The following LY6K variants were observed in gnomAD, a reference collection of about 807,000 sequenced individuals.
The protein encoded by LY6K is lymphocyte antigen 6 family member K.
In LY6K, 9 loss-of-function variants were observed where a neutral mutation model predicts 10.4. The observed-to-expected ratio is 0.87, with a 90% CI of 0.52 to 1.52. The LOEUF is 1.52. Ranked by LOEUF, LY6K falls within the 40% of genes most tolerant of loss-of-function variation. LY6K has a pLI of 0.00. For missense variants in LY6K, 217 were observed against 211.7 expected, an observed-to-expected ratio of 1.02 and a Z score of -0.15; for synonymous variants, 98 against 83.7, an observed-to-expected ratio of 1.17 and a Z score of -0.94.
At position 142,703,018 on chromosome 8, in the gene LY6K, C is replaced by T. The variant is rs147502877; in HGVS notation, c.218-73C>T. On this transcript the variant is annotated intron_variant, in intron 2 of 2. Coordinates refer to ENST00000292430, the MANE Select transcript of LY6K (RefSeq NM_017527.4). ...GGGCCGCCAGGGGTGAGGCTTTGAC[C>T]CAGACAGAAGGGCCTCGGTGTCAGG... 2.1e-4 allele frequency: 327 copies of T among 1,592,604 alleles called. 1 individual carries two copies. The African/African-American group carries it at 3.2e-3, about 16-fold the overall frequency.
intron 2 of LY6K, chr8:142,702,628 C>G: frequency 6.5e-7 from 1 of 1,533,284 alleles, no homozygotes; most frequent in Non-Finnish European, 8.7e-7. Flanking sequence ...GACTTTATAA[C>G]TTAATATGGC....
At position 142,701,673 on chromosome 8, in the gene LY6K, G is replaced by A. The variant is rs143386606; in HGVS notation, c.177G>A (p.Arg59=). The A allele has an allele frequency of 9.5e-5, 153 of 1,614,018 alleles. 1 individual carries two copies. In the African/African-American group the frequency reaches 1.8e-3, roughly 19 times the overall value. The stretch of plus-strand genomic sequence containing the variant: ...CTTTCGAGTGCCAGAACCCAAGGAG[G>A]TGCAAATGGACAGAGCCATACTGCG... ...ENTFECQNPR[R]CKWTEPYCVI... Residue 59 remains arginine, a synonymous_variant, in exon 2 of 3, where the codon AGG becomes AGA. Transcript: ENST00000292430.
At chr8:142,703,030 G>A (rs1392834137) in intron 2 of LY6K, 61 bp from the exon 3 acceptor site, 1 of 1,600,000 alleles carries the variant, frequency 6.3e-7, no homozygotes, top group African/African-American at 1.3e-5. Context: ...AGACAGAAGG[G>A]CCTCGGTGTC....
In LY6K at chr8:142,700,451, C is replaced by CGCGGAGGCT; in HGVS notation, c.-73_-65dup. On this transcript the variant is annotated 5_prime_UTR_variant, in exon 1 of 3. Coordinates refer to ENST00000292430, the MANE Select transcript of LY6K (RefSeq NM_017527.4). ...TACCGGCCAGACCCGGGGAGAGGCG[C>CGCGGAGGCT]GCGGAGGCTGCGAAGGTTCCAGAAG... 1 of 1,486,918 alleles carries CGCGGAGGCT rather than the reference C, an allele frequency of 6.7e-7. No homozygotes were observed. Among genetic ancestry groups the CGCGGAGGCT allele is most frequent in the Non-Finnish European group, 8.9e-7 (1 of 1,119,542 alleles). The allele number at this position is 1,486,918 out of a possible 1,614,324, so 92.1% of individuals were successfully genotyped here. A position where few individuals can be genotyped will look rare whatever the true frequency, so the allele number is the denominator to read the frequency against.
chr8:142,701,775 A>C, intron 2 of LY6K, 62 bp downstream of exon 2: 1 of 1,059,672 alleles, frequency 9.4e-7, no homozygotes, highest in Non-Finnish European at 1.5e-6. Flanking sequence ...TTCAGGAATC[A>C]GGGCTGTCTA....
chr8:142,701,615 G>A lies in LY6K; in HGVS notation c.119G>A (p.Arg40Lys), dbSNP rs868995047. ...DSQRTDEGDNRVWCHVCEREN... is the reference protein window; with the variant it reads ...DSQRTDEGDNKVWCHVCEREN... ...CTCCTTTCAGACGAGGGTGACAATA[G>A]AGTGTGGTGTCATGTTTGTGAGAGA... The change falls in exon 2 of 3, where the codon AGA becomes AAA. Residue 40 changes from arginine to lysine, a missense_variant. Coordinates refer to ENST00000292430, the MANE Select transcript of LY6K (RefSeq NM_017527.4). 1 of 1,610,964 alleles carries A rather than the reference G, an allele frequency of 6.2e-7. No individual in the cohort carries two copies. The highest frequency in any genetic ancestry group is 8.5e-7 in the Non-Finnish European group (1 of 1,177,226).
Position 142,703,787 on chromosome 8 carries a change from A to G in LY6K, c.*416A>G. 1 of 181,532 alleles carries G rather than the reference A, an allele frequency of 5.5e-6. No homozygotes were observed. Among genetic ancestry groups the G allele is most frequent in the Non-Finnish European group, 1.2e-5 (1 of 85,452 alleles). 11.2% of individuals were successfully genotyped at this position (181,532 alleles called of 1,614,324 possible). A position where few individuals can be genotyped will look rare whatever the true frequency, so the allele number is the denominator to read the frequency against. On this transcript the variant is annotated 3_prime_UTR_variant, in exon 3 of 3. Coordinates refer to ENST00000292430, the MANE Select transcript of LY6K (RefSeq NM_017527.4). Reference sequence around the variant, plus strand: ...CAGGAACACTGGGGGAGTCTGAATGATTGGGGTGAAGACATCCCTGGAGTG... The same window carrying G: ...CAGGAACACTGGGGGAGTCTGAATGGTTGGGGTGAAGACATCCCTGGAGTG...
chr8:142,702,718 CCAAGAGGCCAG>C, intron 2 of LY6K: 1 of 1,494,390 alleles, frequency 6.7e-7, no homozygotes, highest in Non-Finnish European at 8.9e-7. Context: ...GCCAGGCCCA[CCAAGAGGCCAG>C]CTCCACACCC....
chr8:142,701,941 C>CAA, intron 2 of LY6K: 1 of 465,062 alleles, frequency 2.2e-6, no homozygotes. Context: ...TCCAGAGTAG[C>CAA]TGGTATTATG....
At chr8:142,701,818 T>A (rs1276905005) in intron 2 of LY6K, 105 bp downstream of exon 2, 2 of 691,258 alleles carry the variant, frequency 2.9e-6, no homozygotes, top group Non-Finnish European at 2.5e-6. Context: ...TAATAGAAAG[T>A]AGCCTTTTTT....
chr8:142,702,239 G>C, intron 2 of LY6K: 5 of 522,628 alleles, frequency 9.6e-6, no homozygotes, highest in Non-Finnish European at 1.4e-5. Context: ...AAGAAAATCT[G>C]GATTTCATAT....
At position 142,700,453 on chromosome 8, in the gene LY6K, C is replaced by G; in HGVS notation, c.-75C>G. ...CCGGCCAGACCCGGGGAGAGGCGCGCGGAGGCTGCGAAGGTTCCAGAAGGG... is the reference window on the plus strand; with the variant it reads ...CCGGCCAGACCCGGGGAGAGGCGCGGGGAGGCTGCGAAGGTTCCAGAAGGG... On this transcript the variant is annotated 5_prime_UTR_variant, in exon 1 of 3. Transcript: ENST00000292430. The G allele has an allele frequency of 6.7e-7, 1 of 1,490,132 alleles. No individual in the cohort carries two copies. Among genetic ancestry groups the G allele is most frequent in the Non-Finnish European group, 8.9e-7 (1 of 1,121,032 alleles). 92.3% of individuals were successfully genotyped at this position (1,490,132 alleles called of 1,614,324 possible). A position where few individuals can be genotyped will look rare whatever the true frequency, so the allele number is the denominator to read the frequency against.
chr8:142,702,067 C>A (rs2585154), intron 2 of LY6K: 29 of 267,846 alleles, frequency 1.1e-4, no homozygotes, highest in South Asian at 4.8e-4. Context: ...CCTCGGCCCC[C>A]CAAAGTGCTG....
chr8:142,700,780 C>A, intron 1 of LY6K, 150 bp downstream of exon 1: 2 of 802,682 alleles, frequency 2.5e-6, no homozygotes, highest in Non-Finnish European at 3.5e-6. Flanking sequence ...GGGAGCCTCG[C>A]CTCGTGCGGC....
Position 142,700,481 on chromosome 8 carries a change from G to A in LY6K, c.-47G>A, listed in dbSNP as rs782171471. ...AGGCTGCGAAGGTTCCAGAAGGGCG[G>A]GGAGGGGGCGCCGCGCGCTGACCCT... On this transcript the variant is annotated 5_prime_UTR_variant, in exon 1 of 3. Coordinates refer to ENST00000292430, the MANE Select transcript of LY6K (RefSeq NM_017527.4). 2.6e-6 allele frequency: 4 copies of A among 1,539,212 alleles called. No individual in the cohort carries two copies. The highest frequency in any genetic ancestry group is 1.2e-5 in the South Asian group (1 of 83,000).
intron 1 of LY6K, 39 bp downstream of exon 1, chr8:142,700,669 G>A (rs1814974291): frequency 1.5e-5 from 21 of 1,430,866 alleles, no homozygotes; most frequent in Non-Finnish European, 1.9e-5. Flanking sequence ...GGGCCGAGAG[G>A]ACAGGGCCGG....
chr8:142,700,829 C>A (rs748555162), intron 1 of LY6K, among the ~76,000 whole-genome samples, 199 bp downstream of exon 1: 1 of 152,134 alleles, frequency 6.6e-6, no homozygotes, highest in Non-Finnish European at 1.5e-5. Context: ...CCCGGCCCTT[C>A]CCCAGCCCTT....
chr8:142,702,463 A>G, intron 2 of LY6K: 2 of 1,533,116 alleles, frequency 1.3e-6, no homozygotes, highest in African/African-American at 1.4e-5. Flanking sequence ...AGCCCTCCCC[A>G]AGGGGAATCT....
In LY6K at chr8:142,700,523, G is replaced by A. The variant is rs112093446; in HGVS notation, c.-5G>A. The A allele has an allele frequency of 1.4e-3, 2,269 of 1,574,928 alleles. 35 individuals are homozygous for A. The African/African-American group carries it at 0.027, about 19-fold the overall frequency. ...GCTGACCCTCCCTGGGCACCGCTGGGGACGATGGCGCTGCTCGCCTTGCTG... is the reference window on the plus strand; with the variant it reads ...GCTGACCCTCCCTGGGCACCGCTGGAGACGATGGCGCTGCTCGCCTTGCTG... On this transcript the variant is annotated 5_prime_UTR_variant, in exon 1 of 3. Coordinates refer to ENST00000292430, the MANE Select transcript of LY6K (RefSeq NM_017527.4).
Sources: allele counts gnomAD v4.1 joint callset (sites outside exome capture counted in the v4.1 genomes callset), GRCh38; gene constraint gnomAD v4.1.1; transcripts MANE v1.5; gene names NCBI Gene and HGNC (gene_info 2026-07-23, HGNC 2026-07-21).